Variants in LINGO2 observed in about 807,000 individuals in gnomAD.
LINGO2 encodes the protein leucine-rich repeat and immunoglobulin-like domain-containing nogo receptor-interacting protein 2.
Under a neutral mutation model 30.6 loss-of-function variants are expected in LINGO2, and 14 were observed. The observed-to-expected ratio is 0.46, with a 90% CI of 0.30 to 0.72. The LOEUF is 0.72. LINGO2 is among the 30% of genes least tolerant of loss of function. LINGO2 has a pLI of 0.07. For synonymous variants in LINGO2, 317 were observed against 288.5 expected (o/e 1.10, Z -1.00); for missense variants, 729 against 751.7 (o/e 0.97, Z 0.35).
At chr9:29,002,857 TC>T in the LINGO2 span, among the ~76,000 whole-genome samples, 1 of 151,910 alleles carries the variant, frequency 6.6e-6, no homozygotes, top group Admixed American at 6.6e-5. Context: ...TCAGTTGTAT[TC>T]CCCAAAAAGA....
chr9:28,293,585 T>C (rs1004925445), intron 4 of LINGO2, among the ~76,000 whole-genome samples: 5 of 152,114 alleles, frequency 3.3e-5, no homozygotes, highest in African/African-American at 1.2e-4. Flanking sequence ...TCTATAAATG[T>C]CAACTAGATC....
intron 1 of LINGO2, among the ~76,000 whole-genome samples, chr9:28,506,481 TAC>T (rs1433190567): frequency 1.2e-4 from 9 of 74,766 alleles, no homozygotes; most frequent in African/African-American, 4.7e-4. Flanking sequence ...CACACACACA[TAC>T]ACATACACAC....
chr9:28,924,371 C>T, the LINGO2 span, among the ~76,000 whole-genome samples: 1 of 152,138 alleles, frequency 6.6e-6, no homozygotes, highest in Non-Finnish European at 1.5e-5. Context: ...CAGACCCGCA[C>T]CACCATGCCC....
intron 4 of LINGO2, among the ~76,000 whole-genome samples, chr9:28,022,143 TA>T (rs1182931627): frequency 1.3e-5 from 2 of 152,062 alleles, no homozygotes; most frequent in Non-Finnish European, 2.9e-5. Context: ...TATTAAAAAT[TA>T]AATTTTGCAA....
the LINGO2 span, among the ~76,000 whole-genome samples, chr9:28,893,509 G>T: frequency 6.6e-6 from 1 of 151,828 alleles, no homozygotes; most frequent in Non-Finnish European, 1.5e-5. Context: ...CATCAGAAAG[G>T]CAATTTGCAC....
At chr9:28,705,723 T>C in the LINGO2 span, among the ~76,000 whole-genome samples, 17 of 152,164 alleles carry the variant, frequency 1.1e-4, no homozygotes, top group Admixed American at 2.0e-4. Flanking sequence ...CTCGCTGGAC[T>C]ATTTTACTCT....
chr9:28,094,781 A>G (rs1826197023), intron 4 of LINGO2, among the ~76,000 whole-genome samples: 1 of 151,402 alleles, frequency 6.6e-6, no homozygotes, highest in Non-Finnish European at 1.5e-5. Flanking sequence ...ACTCCTCTGT[A>G]CCATACTTTT....
chr9:28,074,008 C>T (rs61022682), intron 4 of LINGO2, among the ~76,000 whole-genome samples: 27,041 of 152,106 alleles, frequency 0.18, 2,970 homozygotes, highest in Non-Finnish European at 0.22. Context: ...CAGAATATGT[C>T]AATGAAAGTT....
chr9:28,970,519 C>G, the LINGO2 span, among the ~76,000 whole-genome samples: 1 of 152,166 alleles, frequency 6.6e-6, no homozygotes, highest in South Asian at 2.1e-4. Flanking sequence ...TAATGCAACC[C>G]CTCCCCCACC....
At chr9:28,652,995 T>A (rs7861271) in intron 1 of LINGO2, among the ~76,000 whole-genome samples, 56,842 of 151,828 alleles carry the variant, frequency 0.37, 11,851 homozygotes, top group African/African-American at 0.54. Context: ...AGATAAAACT[T>A]ACAAGGATTA....
intron 1 of LINGO2, among the ~76,000 whole-genome samples, chr9:28,518,327 C>A (rs1045021868): frequency 6.6e-6 from 1 of 152,134 alleles, no homozygotes; most frequent in East Asian, 1.9e-4. Context: ...AAGGTCATAT[C>A]TCATATCTAG....
At position 28,069,836 on chromosome 9, in the gene LINGO2, G is replaced by A. The variant is rs1004115356; in HGVS notation, c.-86-57431C>T. Among the ~76,000 whole-genome samples the A allele has an allele frequency of 3.3e-5, 5 of 152,194 alleles. No individual in the cohort carries two copies. The South Asian group carries it at 1.0e-3, about 31-fold the overall frequency. ...TCCCAGTGGGAATCTCATCAGCAGA[G>A]ATTAACAGTGAGGCCATAAAATAGT... On this transcript the variant is annotated intron_variant, in intron 4 of 5. Transcript: ENST00000379992.
At chr9:28,088,742 T>C (rs1825986767) in intron 4 of LINGO2, among the ~76,000 whole-genome samples, 1 of 152,116 alleles carries the variant, frequency 6.6e-6, no homozygotes, top group Non-Finnish European at 1.5e-5. Context: ...ATGGGCTAAA[T>C]GCTCCAATTA....
rs1259258988 is a variant in LINGO2, at chr9:28,643,122, TC to T, written c.-365+27077del. On this transcript the variant is annotated intron_variant, in intron 1 of 5. Transcript: ENST00000379992. ...AAAATCTCCATATTTCCCAAAGCAA[TC>T]TACAGATTTAATGTAATTTCTATCA... Among the ~76,000 whole-genome samples the T allele has an allele frequency of 2.0e-5, 3 of 151,972 alleles. 1 individual carries two copies. The highest frequency in any genetic ancestry group is 2.0e-4 in the Admixed American group (3 of 15,246).
the LINGO2 span, among the ~76,000 whole-genome samples, chr9:28,962,410 T>C: frequency 6.6e-6 from 1 of 152,074 alleles, no homozygotes; most frequent in Non-Finnish European, 1.5e-5. Context: ...TATTTTTATA[T>C]CAAACTTAGT....
chr9:29,000,885 G>A, the LINGO2 span, among the ~76,000 whole-genome samples: 7 of 152,038 alleles, frequency 4.6e-5, no homozygotes, highest in African/African-American at 1.7e-4. Flanking sequence ...GGCATGTGTG[G>A]ACCAGTGTAT....
chr9:28,812,457 C>T, the LINGO2 span, among the ~76,000 whole-genome samples: 4 of 152,084 alleles, frequency 2.6e-5, no homozygotes, highest in East Asian at 1.9e-4. Context: ...ATGCCCCATT[C>T]GCCTGAGAAA....
chr9:28,168,345 G>T (rs1437299817), intron 4 of LINGO2, among the ~76,000 whole-genome samples: 1 of 152,062 alleles, frequency 6.6e-6, no homozygotes, highest in African/African-American at 2.4e-5. Context: ...CCTACCGTAG[G>T]GCTCTGCACA....
exon 6 of LINGO2, chr9:27,948,260 A>T (rs1823444621): frequency 6.6e-6 from 1 of 152,248 alleles, no homozygotes; most frequent in Non-Finnish European, 1.5e-5. Context: ...GGAAGGTGAA[A>T]TCACACTTGG....
Sources: gnomAD v4.1 joint callset for allele counts (sites outside exome capture counted in the v4.1 genomes callset) on GRCh38, gnomAD v4.1.1 for gene constraint, MANE v1.5 for transcripts, NCBI Gene and HGNC (gene_info 2026-07-23, HGNC 2026-07-21) for gene names.